DHX15: variants seen among roughly 807,000 people sequenced by gnomAD.
The protein encoded by DHX15 is ATP-dependent RNA helicase DHX15.
Under a neutral mutation model 94.4 loss-of-function variants are expected in DHX15, and 11 were observed. The ratio of observed to expected loss-of-function variants is 0.12; its 90% CI spans 0.07 to 0.19. The LOEUF (loss-of-function observed/expected upper bound fraction) is 0.19, where lower values mean the gene tolerates loss of function less well. Ranked by LOEUF, DHX15 falls within the 10% of genes least tolerant of loss-of-function variation. The pLI is 1.00. For missense variants in DHX15, 304 were observed against 988.5 expected (o/e 0.31, Z 9.29); for synonymous variants, 338 against 329.9 (o/e 1.02, Z -0.27).
At chr4:24,557,455 A>T (rs912896193) in intron 3 of DHX15, among the ~76,000 whole-genome samples, 1 of 152,134 alleles carries the variant, frequency 6.6e-6, no homozygotes, top group African/African-American at 2.4e-5. Context: ...GACCAACTGG[A>T]TATTTTTAGC....
rs1233056846 is a variant in DHX15 at position 24,547,926 on chromosome 4, T to C, written c.1248+929A>G. 1.0e-3 allele frequency among the ~76,000 whole-genome samples: 57 copies of C among 54,672 alleles called. 2 individuals carry two copies. The highest frequency in any genetic ancestry group is 4.6e-3 in the African/African-American group (55 of 11,976). The allele number at this position is 54,672 out of a possible 152,430, so 35.9% of individuals were successfully genotyped here. On this transcript the variant is annotated intron_variant, in intron 6 of 13. Coordinates refer to ENST00000336812, the MANE Select transcript of DHX15 (RefSeq NM_001358.3). Reference sequence around the variant, plus strand: ...GTGTATATATATATATATATATATATATATATATATATATATCTATATCTA... The same window carrying C: ...GTGTATATATATATATATATATATACATATATATATATATATCTATATCTA...
intron 5 of DHX15, among the ~76,000 whole-genome samples, chr4:24,550,786 T>C (rs562756424): frequency 1.3e-5 from 2 of 152,238 alleles, no homozygotes; most frequent in Non-Finnish European, 2.9e-5. Flanking sequence ...ACATGTAGTA[T>C]AGTAAATACA....
intron 13 of DHX15, 39 bp downstream of exon 13, chr4:24,529,562 G>A: frequency 1.3e-6 from 2 of 1,592,388 alleles, no homozygotes; most frequent in South Asian, 1.1e-5. Context: ...TTTGAGCAAA[G>A]TACTAACAAA....
intron 5 of DHX15, among the ~76,000 whole-genome samples, chr4:24,549,524 G>A (rs1410137871): frequency 6.6e-6 from 1 of 152,146 alleles, no homozygotes; most frequent in African/African-American, 2.4e-5. Context: ...TAAGAACTAG[G>A]CTAACCCAAA....
intron 2 of DHX15, among the ~76,000 whole-genome samples, chr4:24,574,076 C>T (rs1026844035): frequency 2.0e-5 from 3 of 150,130 alleles, no homozygotes; most frequent in Non-Finnish European, 3.0e-5. Context: ...CATGGTGGTG[C>T]GCGCTTGTAG....
chr4:24,556,266 C>T lies in DHX15; in HGVS notation c.846G>A (p.Gln282=). Residue 282 remains glutamine (Q), a synonymous_variant, in exon 4 of 14, where the codon CAG becomes CAA. Coordinates refer to ENST00000336812, the MANE Select transcript of DHX15 (RefSeq NM_001358.3). ...LMGVLKEVVR[Q]RSDLKVIVMS... ...ATTACTTCACCTTTAAATCTGATCTCTGTCTTACAACTTCCTTCAGAACAC... is the reference window on the plus strand; with the variant it reads ...ATTACTTCACCTTTAAATCTGATCTTTGTCTTACAACTTCCTTCAGAACAC... 6.2e-7 allele frequency: 1 copy of T among 1,613,562 alleles called. No homozygotes were observed. The highest frequency in any genetic ancestry group is 8.5e-7 in the Non-Finnish European group (1 of 1,179,634).
chr4:24,544,452 C>G (rs1721381810), intron 6 of DHX15, among the ~76,000 whole-genome samples: 1 of 152,104 alleles, frequency 6.6e-6, no homozygotes. Context: ...AGACTGACAA[C>G]TAGCAAAGGA....
rs780146956 is a variant in DHX15, at chr4:24,556,426, C to T, written c.702-16G>A. 1.3e-6 allele frequency: 2 copies of T among 1,589,622 alleles called. No homozygotes were observed. Among genetic ancestry groups the T allele is most frequent in the Admixed American group, 1.7e-5 (1 of 58,646 alleles). ...AGTCATATACCTATATTCCAAAGAA[C>T]ATGTTGGTTAAAGGTTCCGTTAGGT... On this transcript the variant is annotated splice_polypyrimidine_tract_variant and intron_variant, in intron 3 of 13. Transcript: ENST00000336812.
chr4:24,569,847 T>C (rs1406225408), intron 3 of DHX15, among the ~76,000 whole-genome samples: 2 of 152,222 alleles, frequency 1.3e-5, no homozygotes, highest in Non-Finnish European at 2.9e-5. Context: ...CAGAGCACAC[T>C]GTAGCCTTGA....
In DHX15 at chr4:24,548,069, C is replaced by T. The variant is rs76013188; in HGVS notation, c.1248+786G>A. Among the ~76,000 whole-genome samples the T allele has an allele frequency of 5.6e-3, 841 of 149,744 alleles. 7 individuals are homozygous for T. The highest frequency in any genetic ancestry group is 0.019 in the African/African-American group (793 of 40,852). ...GGGCTGAAATAATCTTGTTCCTGTCCGTTTGACAGGATCTAGATGAAGCTT... is the reference window on the plus strand; with the variant it reads ...GGGCTGAAATAATCTTGTTCCTGTCTGTTTGACAGGATCTAGATGAAGCTT... On this transcript the variant is annotated intron_variant, in intron 6 of 13. Coordinates refer to ENST00000336812, the MANE Select transcript of DHX15 (RefSeq NM_001358.3).
At chr4:24,538,634 T>C (rs1468107234) in intron 10 of DHX15, 1 of 152,148 alleles carries the variant, frequency 6.6e-6, no homozygotes, top group African/African-American at 2.4e-5. Context: ...TCAACACTTT[T>C]CCTATAAATG....
In DHX15 at chr4:24,547,887, C is replaced by CTATGTATGTA. The variant is rs1193052175; in HGVS notation, c.1248+967_1248+968insTACATACATA. Among the ~76,000 whole-genome samples, 9 of 10,970 alleles carry CTATGTATGTA rather than the reference C, an allele frequency of 8.2e-4. No homozygotes were observed. In the East Asian group the frequency reaches 0.018, roughly 21 times the overall value. 7.2% of individuals were successfully genotyped at this position (10,970 alleles called of 152,430 possible). The stretch of plus-strand genomic sequence containing the variant: ...TCTCTCTCTCTCTCTCTCTCTCTCT[C>CTATGTATGTA]TCTATGTATGTATGTGTATATATAT... On this transcript the variant is annotated intron_variant, in intron 6 of 13. Coordinates refer to ENST00000336812, the MANE Select transcript of DHX15 (RefSeq NM_001358.3).
intron 6 of DHX15, among the ~76,000 whole-genome samples, chr4:24,546,864 T>G (rs1338976860): frequency 1.3e-5 from 2 of 152,360 alleles, no homozygotes; most frequent in African/African-American, 4.8e-5. Flanking sequence ...CTTTTATATA[T>G]TTGCTTTATG....
intron 3 of DHX15, among the ~76,000 whole-genome samples, chr4:24,556,919 G>A (rs1721750293): frequency 1.3e-5 from 2 of 152,130 alleles, no homozygotes; most frequent in Non-Finnish European, 2.9e-5. Context: ...GAAAGCGTGA[G>A]TCCTCCCACC....
intron 3 of DHX15, among the ~76,000 whole-genome samples, chr4:24,557,720 C>T (rs1721767180): frequency 1.3e-5 from 2 of 152,132 alleles, no homozygotes; most frequent in South Asian, 4.1e-4. Flanking sequence ...AGAAAAAACA[C>T]TGCCAATTAA....
chr4:24,547,563 CCA>C lies in DHX15; in HGVS notation c.1248+1290_1248+1291del, dbSNP rs1186686121. 2.0e-5 allele frequency among the ~76,000 whole-genome samples: 3 copies of C among 152,012 alleles called. No homozygotes were observed. In the East Asian group the frequency reaches 5.8e-4, roughly 29 times the overall value. ...ACAAACAGGACATCTTTGTTGTACA[CCA>C]GTTTCACTCAATGGTAAACAAACAC... On this transcript the variant is annotated intron_variant, in intron 6 of 13. Coordinates refer to ENST00000336812, the MANE Select transcript of DHX15 (RefSeq NM_001358.3).
intron 1 of DHX15, 122 bp downstream of exon 1, chr4:24,584,201 A>G: frequency 9.3e-7 from 1 of 1,071,666 alleles, no homozygotes; most frequent in Non-Finnish European, 1.3e-6. Flanking sequence ...TAGTGAACCC[A>G]GCCCAGAGAG....
chr4:24,576,619 C>A lies in DHX15; in HGVS notation c.131G>T (p.Arg44Leu). 1 of 1,613,950 alleles carries A rather than the reference C, an allele frequency of 6.2e-7. No homozygotes were observed. Among genetic ancestry groups the A allele is most frequent in the Non-Finnish European group, 8.5e-7 (1 of 1,179,862 alleles). ...EDRSKDRDRE[R>L]DRGDRERERE... The stretch of plus-strand genomic sequence containing the variant: ...CTCTCGCTCTCTATCTCCTCTATCA[C>A]GTTCTCGGTCTCGATCTTTAGACCG... Residue 44 changes from arginine to leucine, a missense_variant, in exon 2 of 14, where the codon CGT (arginine) becomes CTT (leucine). This residue lies in a region of DHX15 where 143 missense variants were observed against 200.5 expected (regional missense o/e 0.71). Transcript: ENST00000336812.
In DHX15 at chr4:24,558,350, A is replaced by G. The variant is rs140038127; in HGVS notation, c.702-1940T>C. ...TGATAAAATATGACTTTAAGTTGAAAACTTCTTAAAACTAGTTTTAAAAGT... is the reference window on the plus strand; with the variant it reads ...TGATAAAATATGACTTTAAGTTGAAGACTTCTTAAAACTAGTTTTAAAAGT... On this transcript the variant is annotated intron_variant, in intron 3 of 13. Transcript: ENST00000336812. Among the ~76,000 whole-genome samples the G allele has an allele frequency of 1.7e-3, 264 of 152,278 alleles. 1 individual carries two copies. The highest frequency in any genetic ancestry group is 6.8e-3 in the Middle Eastern group (2 of 294).
Sources: allele counts gnomAD v4.1 joint callset (sites outside exome capture counted in the v4.1 genomes callset), GRCh38; gene constraint gnomAD v4.1.1; regional missense constraint gnomAD v4.1.1; transcripts MANE v1.5; gene names NCBI Gene and HGNC (gene_info 2026-07-23, HGNC 2026-07-21).